Variants in MYO7A observed in about 807,000 individuals in gnomAD.
MYO7A encodes the protein unconventional myosin-VIIa.
Under a neutral mutation model 263.8 loss-of-function variants are expected in MYO7A, and 210 were observed. That is an observed-to-expected ratio of 0.80 (90% confidence interval 0.71 to 0.89). The LOEUF (loss-of-function observed/expected upper bound fraction) is 0.89. MYO7A is among the 40% of genes least tolerant of loss of function. The pLI, the probability that MYO7A is intolerant of heterozygous loss-of-function variation, is 0.00. For synonymous variants in MYO7A, 1,239 were observed against 1,197.3 expected, an observed-to-expected ratio of 1.03 and a Z score of -0.72; for missense variants, 2,820 against 2,968.3, an observed-to-expected ratio of 0.95 and a Z score of 1.16.
intron 36 of MYO7A, among the ~76,000 whole-genome samples, chr11:77,201,933 G>A (rs907772855): frequency 5.3e-5 from 8 of 152,054 alleles, no homozygotes; most frequent in Non-Finnish European, 1.2e-4. Context: ...TGGGAAGGGG[G>A]CCCTGCTTCT....
At chr11:77,166,015 G>A (rs1953507645) in intron 14 of MYO7A, 41 bp from the exon 15 acceptor site, 1 of 1,496,510 alleles carries the variant, frequency 6.7e-7, no homozygotes, top group Non-Finnish European at 9.3e-7. Context: ...GGGAGGGCCT[G>A]CCAGAGCTGG....
At chr11:77,186,608 C>T (rs1955664253) in intron 27 of MYO7A, among the ~76,000 whole-genome samples, 1 of 152,206 alleles carries the variant, frequency 6.6e-6, no homozygotes, top group African/African-American at 2.4e-5. Flanking sequence ...CTGCAACTTC[C>T]TTACCTCTCT....
At chr11:77,210,375 G>A (rs1301841083) in intron 44 of MYO7A, among the ~76,000 whole-genome samples, 1 of 152,178 alleles carries the variant, frequency 6.6e-6, no homozygotes, top group Non-Finnish European at 1.5e-5. Flanking sequence ...ATATTGGTAA[G>A]TGAATTGGTG....
At chr11:77,159,595 C>A in intron 10 of MYO7A, 72 bp downstream of exon 10, 3 of 1,454,448 alleles carry the variant, frequency 2.1e-6, no homozygotes, top group Non-Finnish European at 1.9e-6. Context: ...TCATTGGGGG[C>A]TGGGATGTAG....
At chr11:77,146,794 A>G (rs1951599654) in intron 3 of MYO7A, among the ~76,000 whole-genome samples, 1 of 151,938 alleles carries the variant, frequency 6.6e-6, no homozygotes, top group Admixed American at 6.6e-5. Flanking sequence ...GGGAGGGCTG[A>G]CGTACTCTCA....
intron 2 of MYO7A, among the ~76,000 whole-genome samples, chr11:77,136,682 T>G (rs1950915675): frequency 6.6e-6 from 1 of 152,238 alleles, no homozygotes; most frequent in Non-Finnish European, 1.5e-5. Context: ...CTTAACCTGT[T>G]AAATCCTCAC....
intron 4 of MYO7A, among the ~76,000 whole-genome samples, chr11:77,150,416 A>G (rs1951882151): frequency 6.6e-6 from 1 of 152,130 alleles, no homozygotes; most frequent in South Asian, 2.1e-4. Context: ...TGTTTGTAAA[A>G]TTAGGAGGGT....
At position 77,175,473 on chromosome 11, in the gene MYO7A, A is replaced by G. The variant is rs782784465; in HGVS notation, c.2187+9A>G. The G allele has an allele frequency of 6.2e-7, 1 of 1,612,610 alleles. No homozygotes were observed. Among genetic ancestry groups the G allele is most frequent in the Non-Finnish European group, 8.5e-7 (1 of 1,179,550 alleles). Reference sequence around the variant, plus strand: ...CCAAGATCTTTCTGAAGGTGAGCACAGATGCCTTCCCTGGGCTGCCCTGGG... The same window carrying G: ...CCAAGATCTTTCTGAAGGTGAGCACGGATGCCTTCCCTGGGCTGCCCTGGG... On this transcript the variant is annotated intron_variant, in intron 18 of 48. Coordinates refer to ENST00000409709, the MANE Select transcript of MYO7A (RefSeq NM_000260.4).
intron 19 of MYO7A, 147 bp downstream of exon 19, chr11:77,177,790 C>T: frequency 1.5e-6 from 1 of 651,452 alleles, no homozygotes; most frequent in East Asian, 2.8e-5. Context: ...GGCATGCACA[C>T]ATGATCATGT....
chr11:77,211,119 C>T, intron 44 of MYO7A, 33 bp from the exon 45 acceptor site: 1 of 1,520,674 alleles, frequency 6.6e-7, no homozygotes, highest in Non-Finnish European at 8.9e-7. Flanking sequence ...TGCCAGGTCC[C>T]TGCACGCCTG....
chr11:77,129,964 G>A (rs781821373), intron 1 of MYO7A, among the ~76,000 whole-genome samples: 23 of 152,158 alleles, frequency 1.5e-4, no homozygotes, highest in Non-Finnish European at 2.5e-4. Flanking sequence ...TGGGCCTAGC[G>A]GGGCGGGCCC....
chr11:77,198,636 A>G lies in MYO7A; in HGVS notation c.4568+15A>G, dbSNP rs370217672. 80 of 1,613,258 alleles carry G rather than the reference A, an allele frequency of 5.0e-5. No individual in the cohort carries two copies. The South Asian group carries it at 5.9e-4, about 12-fold the overall frequency. ...TCCAGCAGCAGGTGAGGAGGCCCGC[A>G]TGGAGATGCAGACAGACAGAGGGGA... On this transcript the variant is annotated intron_variant, in intron 34 of 48. Transcript: ENST00000409709.
intron 2 of MYO7A, among the ~76,000 whole-genome samples, chr11:77,137,596 G>A (rs1950954918): frequency 6.6e-6 from 1 of 152,212 alleles, no homozygotes; most frequent in East Asian, 1.9e-4. Context: ...CTGGCTCACA[G>A]CCCAGCGTGG....
chr11:77,132,391 G>A (rs1555046288), intron 2 of MYO7A, among the ~76,000 whole-genome samples: 4 of 152,010 alleles, frequency 2.6e-5, no homozygotes, highest in African/African-American at 9.7e-5. Flanking sequence ...CAGGGAAGCA[G>A]ATGAAGGAAG....
At chr11:77,191,843 G>A (rs996791464) in intron 30 of MYO7A, among the ~76,000 whole-genome samples, 4 of 152,208 alleles carry the variant, frequency 2.6e-5, no homozygotes, top group East Asian at 1.9e-4. Context: ...CCACGTCACC[G>A]TGCCCAGAAC....
intron 4 of MYO7A, among the ~76,000 whole-genome samples, chr11:77,153,661 C>T (rs1952180999): frequency 6.6e-6 from 1 of 152,210 alleles, no homozygotes; most frequent in Non-Finnish European, 1.5e-5. Context: ...CTGAAACGGC[C>T]TCTGCCTCCA....
At chr11:77,174,682 T>C in intron 16 of MYO7A, 74 bp from the exon 17 acceptor site, 1 of 1,472,898 alleles carries the variant, frequency 6.8e-7, no homozygotes, top group African/African-American at 1.4e-5. Context: ...TTTGTCTGGG[T>C]TGGTCAAGTG....
intron 23 of MYO7A, 140 bp downstream of exon 23, chr11:77,181,729 A>G: frequency 1.2e-6 from 1 of 839,406 alleles, no homozygotes; most frequent in Non-Finnish European, 1.8e-6. Context: ...TCCGGGCTGC[A>G]GGTCCCAGGT....
At chr11:77,173,315 C>G (rs1050558782) in intron 16 of MYO7A, among the ~76,000 whole-genome samples, 12 of 152,254 alleles carry the variant, frequency 7.9e-5, no homozygotes, top group African/African-American at 2.7e-4. Flanking sequence ...AAGTCCCCTT[C>G]TCCTTTGGCC....
Sources: gnomAD v4.1 joint callset for allele counts (sites outside exome capture counted in the v4.1 genomes callset) on GRCh38, gnomAD v4.1.1 for gene constraint, MANE v1.5 for transcripts, NCBI Gene and HGNC (gene_info 2026-07-23, HGNC 2026-07-21) for gene names.